SH3BGRL2: variants seen among roughly 807,000 people sequenced by gnomAD.
SH3BGRL2 encodes SH3 domain-binding glutamic acid-rich-like protein 2.
Under a neutral mutation model 14.8 loss-of-function variants are expected in SH3BGRL2, and 21 were observed. That is an observed-to-expected ratio of 1.42 (90% CI 1.01 to 2.05). SH3BGRL2 has a LOEUF of 2.05. Among genes scored for constraint, SH3BGRL2 ranks in the 30% most tolerant of loss-of-function variants. The pLI is 0.00. For synonymous variants in SH3BGRL2, 50 were observed against 47.8 expected, an observed-to-expected ratio of 1.05 and a Z score of -0.19; for missense variants, 147 against 130.8, an observed-to-expected ratio of 1.12 and a Z score of -0.61.
intron 2 of SH3BGRL2, among the ~76,000 whole-genome samples, chr6:79,693,908 G>A (rs1770279381): frequency 6.6e-6 from 1 of 152,188 alleles, no homozygotes; most frequent in Non-Finnish European, 1.5e-5. Flanking sequence ...TGGAAAAATT[G>A]AGAGGCTTAA....
At chr6:79,561,235 TTAA>T in the SH3BGRL2 span, 6 of 151,998 alleles carry the variant, frequency 3.9e-5, no homozygotes, top group East Asian at 1.9e-4. Context: ...TTTAATACTC[TTAA>T]TAATACTAAA....
At chr6:79,671,393 G>A (rs577387290) in intron 1 of SH3BGRL2, among the ~76,000 whole-genome samples, 1 of 152,264 alleles carries the variant, frequency 6.6e-6, no homozygotes, top group Non-Finnish European at 1.5e-5. Flanking sequence ...AGGTTGAGGT[G>A]AGCCAAGATC....
At position 79,673,810 on chromosome 6, in the gene SH3BGRL2, A is replaced by T. The variant is rs774526891; in HGVS notation, c.231+11A>T. On this transcript the variant is annotated intron_variant, in intron 2 of 3. Coordinates refer to ENST00000369838, the MANE Select transcript of SH3BGRL2 (RefSeq NM_031469.4). ...GACCGATACTGTGGAGTAAGTGGCT[A>T]GACTGTTATCATGCTGTTTCTTTTT... 6 of 1,610,220 alleles carry T rather than the reference A, an allele frequency of 3.7e-6. No homozygotes were observed. In the East Asian group the frequency reaches 1.3e-4, roughly 36 times the overall value.
At chr6:79,615,782 C>T in the SH3BGRL2 span, among the ~76,000 whole-genome samples, 1 of 140,172 alleles carries the variant, frequency 7.1e-6, no homozygotes, top group African/African-American at 2.6e-5. Context: ...TGTGTATTTG[C>T]TTTTTTTAAA....
chr6:79,685,687 A>C (rs2127736870), intron 2 of SH3BGRL2, among the ~76,000 whole-genome samples: 1 of 151,962 alleles, frequency 6.6e-6, no homozygotes, highest in African/African-American at 2.4e-5. Context: ...TTATATGTAT[A>C]TTGTTATAAT....
the SH3BGRL2 span, chr6:79,552,733 A>G: frequency 2.0e-5 from 3 of 152,200 alleles, no homozygotes; most frequent in Non-Finnish European, 4.4e-5. Context: ...TCTTCATTCC[A>G]GGTGATTTGT....
At chr6:79,642,501 T>C (rs1305296691) in intron 1 of SH3BGRL2, among the ~76,000 whole-genome samples, 1 of 152,116 alleles carries the variant, frequency 6.6e-6, no homozygotes, top group Non-Finnish European at 1.5e-5. Context: ...TGTTGGATAG[T>C]AGCTGCCTGG....
chr6:79,590,308 A>G, the SH3BGRL2 span, among the ~76,000 whole-genome samples: 1 of 151,410 alleles, frequency 6.6e-6, no homozygotes, highest in South Asian at 2.1e-4. Context: ...AAGAAAATAA[A>G]TTGTTCTACC....
At chr6:79,555,955 G>A in the SH3BGRL2 span, among the ~76,000 whole-genome samples, 2 of 151,974 alleles carry the variant, frequency 1.3e-5, no homozygotes, top group African/African-American at 4.8e-5. Context: ...CCAAATCAAA[G>A]AAAACAGAAA....
At chr6:79,570,559 C>G in the SH3BGRL2 span, among the ~76,000 whole-genome samples, 1 of 152,228 alleles carries the variant, frequency 6.6e-6, no homozygotes, top group Non-Finnish European at 1.5e-5. Context: ...TGATCTTTCT[C>G]TGCCTCCATC....
chr6:79,671,568 T>A (rs1769773871), intron 1 of SH3BGRL2, among the ~76,000 whole-genome samples: 1 of 152,248 alleles, frequency 6.6e-6, no homozygotes, highest in Non-Finnish European at 1.5e-5. Flanking sequence ...ATTCATTTCA[T>A]TTCAGAAGAG....
chr6:79,687,858 T>C (rs1359864223), intron 2 of SH3BGRL2, among the ~76,000 whole-genome samples: 4 of 152,232 alleles, frequency 2.6e-5, no homozygotes, highest in Non-Finnish European at 5.9e-5. Context: ...TCTATTTGGT[T>C]ATGTCCTTGG....
intron 2 of SH3BGRL2, among the ~76,000 whole-genome samples, chr6:79,683,193 A>G (rs965853161): frequency 2.6e-5 from 4 of 152,184 alleles, no homozygotes; most frequent in Non-Finnish European, 5.9e-5. Flanking sequence ...AACTTAAAGT[A>G]TAATTTAAAA....
chr6:79,603,296 G>T, the SH3BGRL2 span, among the ~76,000 whole-genome samples: 1 of 152,146 alleles, frequency 6.6e-6, no homozygotes, highest in African/African-American at 2.4e-5. Context: ...TCCCTTGAGG[G>T]CATCAAGAAA....
Position 79,673,754 on chromosome 6 carries a change from C to A in SH3BGRL2, c.186C>A (p.Gly62=). 6.2e-7 allele frequency: 1 copy of A among 1,614,100 alleles called. No individual in the cohort carries two copies. The highest frequency in any genetic ancestry group is 1.7e-5 in the Admixed American group (1 of 60,022). The change falls in exon 2 of 4, where the codon GGC becomes GGA. Residue 62 remains glycine, a synonymous_variant. Coordinates refer to ENST00000369838, the MANE Select transcript of SH3BGRL2 (RefSeq NM_031469.4). ...NVPPEKKPTQ[G]NPLPPQIFNG... is the part of the protein sequence containing the mutation. Reference sequence around the variant, plus strand: ...CCCCGGAAAAGAAACCCACTCAGGGCAACCCCCTGCCACCTCAGATATTTA... The same window carrying A: ...CCCCGGAAAAGAAACCCACTCAGGGAAACCCCCTGCCACCTCAGATATTTA...
the SH3BGRL2 span, among the ~76,000 whole-genome samples, chr6:79,604,401 T>A: frequency 1.3e-5 from 2 of 152,222 alleles, no homozygotes; most frequent in Non-Finnish European, 2.9e-5. Flanking sequence ...TTTTCTCATT[T>A]ATCAGGTAAG....
At chr6:79,551,189 C>A in the SH3BGRL2 span, among the ~76,000 whole-genome samples, 1 of 152,052 alleles carries the variant, frequency 6.6e-6, no homozygotes, top group Non-Finnish European at 1.5e-5. Flanking sequence ...TTTCTAATAC[C>A]CCAATGGGCT....
the SH3BGRL2 span, among the ~76,000 whole-genome samples, chr6:79,551,013 A>G: frequency 6.6e-6 from 1 of 152,244 alleles, no homozygotes; most frequent in African/African-American, 2.4e-5. Flanking sequence ...TTGAACATCA[A>G]AAGAGCAGTG....
chr6:79,542,470 G>A, the SH3BGRL2 span, among the ~76,000 whole-genome samples: 11 of 151,940 alleles, frequency 7.2e-5, no homozygotes, highest in Non-Finnish European at 1.2e-4. Flanking sequence ...GGTTTCACCA[G>A]GTTGATCAGG....
Sources: allele counts gnomAD v4.1 joint callset (sites outside exome capture counted in the v4.1 genomes callset), GRCh38; gene constraint gnomAD v4.1.1; transcripts MANE v1.5; gene names NCBI Gene and HGNC (gene_info 2026-07-23, HGNC 2026-07-21).